Variants in MTX1 observed in about 807,000 individuals in gnomAD.
MTX1 encodes metaxin 1.
Under a neutral mutation model 39.4 loss-of-function variants are expected in MTX1, and 20 were observed. That is an observed-to-expected ratio of 0.51 (90% confidence interval 0.36 to 0.74). The LOEUF is 0.74. Ranked by LOEUF, MTX1 falls within the 30% of genes least tolerant of loss-of-function variation. The pLI, the probability that MTX1 is intolerant of heterozygous loss-of-function variation, is 0.00. For missense variants in MTX1, 481 were observed against 485.9 expected (o/e 0.99, Z 0.10); for synonymous variants, 209 against 198.6 (o/e 1.05, Z -0.44).
chr1:155,209,836 C>T (rs1361212467), intron 1 of MTX1, among the ~76,000 whole-genome samples: 1 of 152,226 alleles, frequency 6.6e-6, no homozygotes, highest in Non-Finnish European at 1.5e-5. Flanking sequence ...TATTCATTGA[C>T]TCCTTGCTTT....
Position 155,212,750 on chromosome 1 carries a change from A to G in MTX1, c.1011A>G (p.Gln337=). ...LTLLSQRLGS[Q]KFFFGDAPAS... ...TGCTCTCTCAGCGCCTGGGCTCTCA[A>G]AAGTTCTTCTTTGGAGATGCGTGAG... The change falls in exon 6 of 8, where the codon CAA becomes CAG. Residue 337 remains glutamine, a synonymous_variant. Coordinates refer to ENST00000368376, the MANE Select transcript of MTX1 (RefSeq NM_002455.5). 6.3e-7 allele frequency: 1 copy of G among 1,596,840 alleles called. No homozygotes were observed. The highest frequency in any genetic ancestry group is 1.1e-5 in the South Asian group (1 of 88,788).
chr1:155,212,836 G>A, intron 6 of MTX1, 66 bp downstream of exon 6: 2 of 1,505,420 alleles, frequency 1.3e-6, no homozygotes, highest in Non-Finnish European at 1.8e-6. Context: ...TGGAGCAGCT[G>A]GAGCTGGGGC....
Position 155,209,104 on chromosome 1 carries a change from C to T in MTX1, c.300C>T (p.Ala100=), listed in dbSNP as rs2148049199. 12 of 1,543,250 alleles carry T rather than the reference C, an allele frequency of 7.8e-6. No homozygotes were observed. Among genetic ancestry groups the T allele is most frequent in the Non-Finnish European group, 1.0e-5 (12 of 1,143,660 alleles). Reference sequence around the variant, plus strand: ...GCCCAGTCCCCCGCAGTTCAGCTGCCAGTCGGGCCAGAAGAAGCCTCGCCT... The same window carrying T: ...GCCCAGTCCCCCGCAGTTCAGCTGCTAGTCGGGCCAGAAGAAGCCTCGCCT... ...ARGPVPRSSA[A]SRARRSLASP... Residue 100 remains alanine (A), a synonymous_variant, in exon 1 of 8, where the codon GCC becomes GCT. Transcript: ENST00000368376.
Position 155,212,722 on chromosome 1 carries a change from C to A in MTX1, c.983C>A (p.Thr328Asn), listed in dbSNP as rs1671170247. 1.9e-6 allele frequency: 3 copies of A among 1,602,038 alleles called. No individual in the cohort carries two copies. Among genetic ancestry groups the A allele is most frequent in the South Asian group, 2.2e-5 (2 of 89,438 alleles). Reference sequence around the variant, plus strand: ...TACCGAGAGGCTCGGGAGTGTCTGACCCTGCTCTCTCAGCGCCTGGGCTCT... The same window carrying A: ...TACCGAGAGGCTCGGGAGTGTCTGAACCTGCTCTCTCAGCGCCTGGGCTCT... ...ELYREARECL[T>N]LLSQRLGSQK... The change falls in exon 6 of 8, where the codon ACC becomes AAC. Residue 328 changes from threonine (T) to asparagine (N), a missense_variant. Around this residue, in one of 2 missense-constraint regions of MTX1, gnomAD observed 113 missense variants for 153.2 expected, o/e 0.74. Coordinates refer to ENST00000368376, the MANE Select transcript of MTX1 (RefSeq NM_002455.5).
At position 155,208,956 on chromosome 1, in the gene MTX1, G is replaced by C. The variant is rs774846663; in HGVS notation, c.152G>C (p.Gly51Ala). Residue 51 changes from glycine to alanine, a missense_variant, in exon 1 of 8, where the codon GGG becomes GCG. By Grantham distance (60) the Gly-to-Ala change is moderately conservative. This residue lies in a region of MTX1 where 368 missense variants were observed against 332.8 expected (regional missense o/e 1.11). Coordinates refer to ENST00000368376, the MANE Select transcript of MTX1 (RefSeq NM_002455.5). ...TCTCCAGAGCCTGCCGCGCCTTCAG[G>C]GGTTCGGGGCTCCACTTGGACGAGG... Reference protein sequence around the residue: ...PRSPEPAAPSGVRGSTWTRRR... With the variant: ...PRSPEPAAPSAVRGSTWTRRR... The C allele has an allele frequency of 5.0e-6, 8 of 1,609,152 alleles. No homozygotes were observed. The highest frequency in any genetic ancestry group is 6.8e-6 in the Non-Finnish European group (8 of 1,178,886).
intron 3 of MTX1, chr1:155,211,838 T>C (rs1220633190): frequency 3.1e-5 from 9 of 286,008 alleles, no homozygotes; most frequent in Non-Finnish European, 4.6e-5. Flanking sequence ...GTTCCAGCTT[T>C]CCATGGAAAT....
intron 1 of MTX1, 100 bp downstream of exon 1, chr1:155,209,432 C>T (rs1670997484): frequency 7.9e-7 from 1 of 1,260,904 alleles, no homozygotes; most frequent in Non-Finnish European, 1.0e-6. Flanking sequence ...TCAGCACGGG[C>T]GCAGTGGGGG....
intron 1 of MTX1, 145 bp downstream of exon 1, chr1:155,209,477 A>G (rs1671002586): frequency 2.2e-6 from 2 of 921,672 alleles, no homozygotes; most frequent in Non-Finnish European, 2.9e-6. Context: ...CGTGGCCGAT[A>G]TGGCCTCAGT....
Position 155,209,051 on chromosome 1 carries a change from C to A in MTX1, c.247C>A (p.Arg83=). 1 of 1,542,292 alleles carries A rather than the reference C, an allele frequency of 6.5e-7. No homozygotes were observed. The highest frequency in any genetic ancestry group is 8.7e-7 in the Non-Finnish European group (1 of 1,143,610). Residue 83 remains arginine, a synonymous_variant, in exon 1 of 8, where the codon CGG becomes AGG. Coordinates refer to ENST00000368376, the MANE Select transcript of MTX1 (RefSeq NM_002455.5). ...CTACGTGGGCCACCTCTGGATGGGCCGGCGGCCGCCCTCCCCCGAGGCCCG... is the reference window on the plus strand; with the variant it reads ...CTACGTGGGCCACCTCTGGATGGGCAGGCGGCCGCCCTCCCCCGAGGCCCG... ...SRYVGHLWMG[R]RPPSPEARGP... is the part of the protein sequence containing the mutation.
intron 6 of MTX1, 144 bp downstream of exon 6, chr1:155,212,914 G>T: frequency 7.3e-7 from 1 of 1,373,926 alleles, no homozygotes; most frequent in South Asian, 1.4e-5. Context: ...TAGTGACAGT[G>T]TGACTGTGTG....
At position 155,210,541 on chromosome 1, in the gene MTX1, A is replaced by G. The variant is rs778656050; in HGVS notation, c.599-7A>G. On this transcript the variant is annotated splice_region_variant and splice_polypyrimidine_tract_variant and intron_variant, in intron 2 of 7. Coordinates refer to ENST00000368376, the MANE Select transcript of MTX1 (RefSeq NM_002455.5). ...GTCTGGTTGGTATACTTCCCTCTCA[A>G]TATCAGGAACTCTGCCTGCCCTTCG... The G allele has an allele frequency of 1.9e-5, 31 of 1,613,952 alleles. No homozygotes were observed. Among genetic ancestry groups the G allele is most frequent in the Non-Finnish European group, 2.3e-5 (27 of 1,179,918 alleles).
rs763791200 is a variant in MTX1 at position 155,212,431 on chromosome 1, G to A, written c.818G>A (p.Arg273Gln). The A allele has an allele frequency of 1.9e-5, 30 of 1,614,196 alleles. No homozygotes were observed. The highest frequency in any genetic ancestry group is 1.9e-5 in the Non-Finnish European group (23 of 1,180,026). Residue 273 changes from arginine to glutamine, a missense_variant, in exon 5 of 8, where the codon CGG becomes CAG. Coordinates refer to ENST00000368376, the MANE Select transcript of MTX1 (RefSeq NM_002455.5). ...IDTKNYVEVT[R>Q]KWYAEAMPFP... ...ACCAAGAACTACGTGGAAGTGACCC[G>A]GAAGTGGTATGCAGAGGCTATGCCC... is the stretch of plus-strand genomic sequence containing the variant.
At chr1:155,210,052 C>T (rs986264442) in intron 1 of MTX1, among the ~76,000 whole-genome samples, 1 of 152,172 alleles carries the variant, frequency 6.6e-6, no homozygotes, top group African/African-American at 2.4e-5. Flanking sequence ...AAGAGGGATA[C>T]TGGTTAGGAA....
At chr1:155,210,222 TCGAGACTAAG>T in intron 1 of MTX1, 114 bp from the exon 2 acceptor site, 5 of 833,556 alleles carry the variant, frequency 6.0e-6, no homozygotes, top group South Asian at 1.6e-5. Context: ...CCCTTTTTTT[TCGAGACTAAG>T]ATACTAAGTA....
chr1:155,208,991 T>C lies in MTX1; in HGVS notation c.187T>C (p.Ser63Pro). ...RGSTWTRRRDSPRRAGPTALS... is the reference protein window; with the variant it reads ...RGSTWTRRRDPPRRAGPTALS... ...CTCCACTTGGACGAGGCGCCGTGAC[T>C]CTCCGAGGCGCGCCGGGCCGACAGC... The change falls in exon 1 of 8, where the codon TCT becomes CCT. Residue 63 changes from serine to proline, a missense_variant. Ser to Pro is a moderately conservative substitution (Grantham distance 74). Coordinates refer to ENST00000368376, the MANE Select transcript of MTX1 (RefSeq NM_002455.5). 2 of 1,599,326 alleles carry C rather than the reference T, an allele frequency of 1.3e-6. No individual in the cohort carries two copies. Among genetic ancestry groups the C allele is most frequent in the Middle Eastern group, 3.4e-4 (2 of 5,804 alleles).
rs758798906 is a variant in MTX1, at chr1:155,209,242, G to A, written c.438G>A (p.Arg146=). The change falls in exon 1 of 8, where the codon AGG becomes AGA. Residue 146 remains arginine, a synonymous_variant. Transcript: ENST00000368376. ...EAHKEVFPGQ[R]VGKMAAPMEL... Reference sequence around the variant, plus strand: ...ACAAGGAAGTGTTTCCGGGACAGAGGGTGGGCAAGATGGCGGCGCCCATGG... The same window carrying A: ...ACAAGGAAGTGTTTCCGGGACAGAGAGTGGGCAAGATGGCGGCGCCCATGG... 2.1e-6 allele frequency: 3 copies of A among 1,448,456 alleles called. No individual in the cohort carries two copies. The South Asian group carries it at 4.4e-5, about 21-fold the overall frequency. The allele number at this position is 1,448,456 out of a possible 1,614,324, so 89.7% of individuals were successfully genotyped here. A position where few individuals can be genotyped will look rare whatever the true frequency, so the allele number is the denominator to read the frequency against.
intron 2 of MTX1, 42 bp downstream of exon 2, chr1:155,210,457 G>A (rs1671081258): frequency 1.2e-6 from 2 of 1,610,074 alleles, no homozygotes; most frequent in Non-Finnish European, 8.5e-7. Context: ...TGTGTACAAG[G>A]GGAGAAGCAA....
chr1:155,212,347 C>G (rs1347922319), intron 4 of MTX1, 38 bp from the exon 5 acceptor site: 1 of 1,612,230 alleles, frequency 6.2e-7, no homozygotes, highest in Non-Finnish European at 8.5e-7. Context: ...GGTGCACTGG[C>G]TCAGACCTAC....
rs1480038897 is a variant in MTX1 at position 155,213,630 on chromosome 1, C to A, written c.1333C>A (p.Arg445=). 1.7e-5 allele frequency: 1 copy of A among 59,678 alleles called. No individual in the cohort carries two copies. The highest frequency in any genetic ancestry group is 4.0e-4 in the African/African-American group (1 of 2,484). The allele number at this position is 59,678 out of a possible 1,614,324, so 3.7% of individuals were successfully genotyped here. A position where few individuals can be genotyped will look rare whatever the true frequency, so the allele number is the denominator to read the frequency against. Residue 445 remains arginine (R), a synonymous_variant, in exon 8 of 8, where the codon CGG becomes AGG. Coordinates refer to ENST00000368376, the MANE Select transcript of MTX1 (RefSeq NM_002455.5). ...GCTCAGCGGCATTGTCTCCATCCAG[C>A]GGGCAACGCCTGCTCGGGCCCCAGG... ...ALLSGIVSIQ[R]ATPARAPGTR...
Sources: allele counts gnomAD v4.1 joint callset (sites outside exome capture counted in the v4.1 genomes callset), GRCh38; gene constraint gnomAD v4.1.1; regional missense constraint gnomAD v4.1.1; transcripts MANE v1.5; gene names NCBI Gene and HGNC (gene_info 2026-07-23, HGNC 2026-07-21).